ANTXR1: variants seen among roughly 807,000 people sequenced by gnomAD.
ANTXR1 encodes anthrax toxin receptor 1.
A neutral mutation model predicts 78.1 loss-of-function variants in ANTXR1; 19 were observed. That is an observed-to-expected ratio of 0.24 (90% CI 0.17 to 0.36). The LOEUF is 0.36. Among genes scored for constraint, ANTXR1 ranks in the 10% least tolerant of loss-of-function variants. The pLI is 1.00. For missense variants in ANTXR1, 518 were observed against 718.6 expected, an observed-to-expected ratio of 0.72 and a Z score of 3.19; for synonymous variants, 273 against 260.5, an observed-to-expected ratio of 1.05 and a Z score of -0.46.
chr2:69,228,050 C>G (rs1405285635), intron 17 of ANTXR1, among the ~76,000 whole-genome samples: 1 of 152,146 alleles, frequency 6.6e-6, no homozygotes, highest in Non-Finnish European at 1.5e-5. Flanking sequence ...ATCTCTGTCA[C>G]AGTATATTTT....
intron 10 of ANTXR1, among the ~76,000 whole-genome samples, chr2:69,117,891 T>C (rs1366028815): frequency 6.6e-6 from 1 of 152,106 alleles, no homozygotes; most frequent in East Asian, 1.9e-4. Flanking sequence ...CTCTGTCCCC[T>C]CGGTATGCAG....
chr2:69,246,468 TTTTG>T lies in ANTXR1; in HGVS notation c.*995_*998del, dbSNP rs1010588867. 1.3e-5 allele frequency: 2 copies of T among 152,322 alleles called. No individual in the cohort carries two copies. The highest frequency in any genetic ancestry group is 2.4e-5 in the African/African-American group (1 of 41,532). The allele number at this position is 152,322 out of a possible 1,614,324, so 9.4% of individuals were successfully genotyped here. ...CCTATCACACAATATCACTAGTTTT[TTTTG>T]TTTGTTTGTTTTTTGTTTTTTTTCT... On this transcript the variant is annotated 3_prime_UTR_variant, in exon 18 of 18. Transcript: ENST00000303714.
At chr2:69,165,176 G>A (rs1481963760) in intron 13 of ANTXR1, among the ~76,000 whole-genome samples, 1 of 152,258 alleles carries the variant, frequency 6.6e-6, no homozygotes, top group Non-Finnish European at 1.5e-5. Flanking sequence ...AAACCACTGA[G>A]CTAATTAAAA....
At chr2:69,046,635 C>T (rs1180586612) in intron 3 of ANTXR1, among the ~76,000 whole-genome samples, 1 of 152,140 alleles carries the variant, frequency 6.6e-6, no homozygotes, top group Non-Finnish European at 1.5e-5. Flanking sequence ...TATGGACACA[C>T]CCCCAACCTC....
At chr2:69,064,033 A>G (rs1670321120) in intron 3 of ANTXR1, among the ~76,000 whole-genome samples, 1 of 152,156 alleles carries the variant, frequency 6.6e-6, no homozygotes, top group Non-Finnish European at 1.5e-5. Context: ...TTAGAAAGCA[A>G]ATAGCAAGAT....
intron 9 of ANTXR1, among the ~76,000 whole-genome samples, chr2:69,094,760 C>T (rs1671345234): frequency 6.6e-6 from 1 of 152,188 alleles, no homozygotes; most frequent in African/African-American, 2.4e-5. Context: ...GACAACAAAG[C>T]CAAAATCTAG....
At chr2:69,182,769 T>G (rs2104463658) in intron 16 of ANTXR1, 109 bp downstream of exon 16, 1 of 1,381,750 alleles carries the variant, frequency 7.2e-7, no homozygotes, top group East Asian at 2.3e-5. Flanking sequence ...ACCCAGCTTA[T>G]CACAGGGGAA....
rs772914284 is a variant in ANTXR1, at chr2:69,152,248, C to G, written c.1031C>G (p.Pro344Arg). The change falls in exon 13 of 18, where the codon CCC becomes CGC. Residue 344 changes from proline (P) to arginine (R), a missense_variant. Transcript: ENST00000303714. ...CTGGCTCTCCTCTGGTGGTTCTGGC[C>G]CCTCTGCTGCACTGTGGTAAGTGCC... ...LALALLWWFW[P>R]LCCTVIIKEV... 3.2e-5 allele frequency: 52 copies of G among 1,614,052 alleles called. 1 individual carries two copies. The highest frequency in any genetic ancestry group is 1.6e-4 in the Middle Eastern group (1 of 6,084).
intron 17 of ANTXR1, among the ~76,000 whole-genome samples, chr2:69,220,244 TA>T (rs1387351104): frequency 5.3e-5 from 8 of 152,202 alleles, no homozygotes; most frequent in African/African-American, 1.2e-4. Context: ...ATTTTCCACC[TA>T]GGGGAGGGTG....
chr2:69,054,416 C>T (rs895381510), intron 3 of ANTXR1, among the ~76,000 whole-genome samples: 3 of 152,166 alleles, frequency 2.0e-5, no homozygotes, highest in African/African-American at 7.2e-5. Flanking sequence ...CCTATGCCCG[C>T]TATACATTTC....
chr2:69,200,284 C>T (rs978631240), intron 17 of ANTXR1, among the ~76,000 whole-genome samples: 3 of 152,212 alleles, frequency 2.0e-5, no homozygotes, highest in Non-Finnish European at 2.9e-5. Flanking sequence ...GAAACACACA[C>T]GTAAATGTAC....
chr2:69,014,249 G>C (rs1466178771), intron 1 of ANTXR1, among the ~76,000 whole-genome samples: 8 of 152,086 alleles, frequency 5.3e-5, no homozygotes, highest in African/African-American at 1.9e-4. Context: ...TGTGGTGGGG[G>C]CTGTCCTGCG....
intron 10 of ANTXR1, 99 bp from the exon 11 acceptor site, chr2:69,122,918 G>T: frequency 3.8e-6 from 5 of 1,300,506 alleles, no homozygotes; most frequent in South Asian, 2.4e-5. Context: ...TTGTTTTTTT[G>T]GTATCTCCCT....
intron 8 of ANTXR1, among the ~76,000 whole-genome samples, chr2:69,077,892 C>A (rs1670788187): frequency 6.6e-6 from 1 of 152,188 alleles, no homozygotes; most frequent in African/African-American, 2.4e-5. Flanking sequence ...CACTTTAGAC[C>A]AGGCTGTCCA....
chr2:69,063,929 G>T (rs926331411), intron 3 of ANTXR1, among the ~76,000 whole-genome samples: 1 of 151,680 alleles, frequency 6.6e-6, no homozygotes, highest in Admixed American at 6.6e-5. Context: ...GTTTTTAAAA[G>T]CTAATAGATG....
chr2:69,237,988 G>A (rs1675811826), intron 17 of ANTXR1, among the ~76,000 whole-genome samples: 1 of 152,126 alleles, frequency 6.6e-6, no homozygotes, highest in Non-Finnish European at 1.5e-5. Flanking sequence ...CAACAATGAG[G>A]GCAGGGCAGA....
chr2:69,183,002 A>G (rs1326091423), intron 16 of ANTXR1: 1 of 288,068 alleles, frequency 3.5e-6, no homozygotes, highest in Non-Finnish European at 6.5e-6. Context: ...AAAAATCACC[A>G]TGGCAAGGTA....
intron 17 of ANTXR1, among the ~76,000 whole-genome samples, chr2:69,222,565 T>C (rs1332601522): frequency 1.3e-5 from 2 of 152,078 alleles, no homozygotes; most frequent in African/African-American, 2.4e-5. Context: ...CCAGAGACCA[T>C]TTAGGAGGCT....
intron 3 of ANTXR1, among the ~76,000 whole-genome samples, chr2:69,049,986 A>G (rs531892292): frequency 6.6e-6 from 1 of 152,196 alleles, no homozygotes; most frequent in East Asian, 1.9e-4. Flanking sequence ...GTCTGTAAAA[A>G]TTTTAAATCA....
Sources: gnomAD v4.1 joint callset for allele counts (sites outside exome capture counted in the v4.1 genomes callset) on GRCh38, gnomAD v4.1.1 for gene constraint, MANE v1.5 for transcripts, NCBI Gene and HGNC (gene_info 2026-07-23, HGNC 2026-07-21) for gene names.